Variants in SFRP4 observed in about 807,000 individuals in gnomAD.
SFRP4 encodes secreted frizzled-related protein 4.
Under a neutral mutation model 36.3 loss-of-function variants are expected in SFRP4, and 25 were observed. That is an observed-to-expected ratio of 0.69 (90% CI 0.50 to 0.96). The LOEUF is 0.96. Among genes scored for constraint, SFRP4 ranks in the 40% least tolerant of loss-of-function variants. The pLI, the probability that SFRP4 is intolerant of heterozygous loss-of-function variation, is 0.00. For synonymous variants in SFRP4, 182 were observed against 168.8 expected, an observed-to-expected ratio of 1.08 and a Z score of -0.60; for missense variants, 487 against 459.6, an observed-to-expected ratio of 1.06 and a Z score of -0.54.
rs768168729 is a variant in SFRP4 at position 37,916,118 on chromosome 7, T to G, written c.420A>C (p.Glu140Asp). 1.2e-6 allele frequency: 2 copies of G among 1,613,638 alleles called. No individual in the cohort carries two copies. The highest frequency in any genetic ancestry group is 2.7e-5 in the African/African-American group (2 of 74,894). ...CCTCCGGGAGGTCCGTGACGATGGC[T>G]TCAGGCGAGATGCACACGCCACGGT... Reference protein sequence around the residue: ...VYDRGVCISPEAIVTDLPEDV... With the variant: ...VYDRGVCISPDAIVTDLPEDV... The change falls in exon 1 of 6, where the codon GAA becomes GAC. Residue 140 changes from glutamate to aspartate, a missense_variant. Transcript: ENST00000436072. This position sits in a 1 kb window ranked among gnomAD's most constrained non-coding sequence, Gnocchi z 4.1.
chr7:37,913,988 C>A (rs889042637), intron 3 of SFRP4, among the ~76,000 whole-genome samples: 1 of 152,146 alleles, frequency 6.6e-6, no homozygotes, highest in Non-Finnish European at 1.5e-5. Context: ...ATTTTTATCA[C>A]CTGGGTCATT....
intron 3 of SFRP4, 116 bp downstream of exon 3, chr7:37,914,097 G>T: frequency 1.3e-6 from 1 of 767,944 alleles, no homozygotes; most frequent in Non-Finnish European, 2.2e-6. Context: ...TGGAAAAATA[G>T]TCAACCTTTT....
intron 3 of SFRP4, 44 bp downstream of exon 3, chr7:37,914,169 A>G: frequency 6.8e-7 from 1 of 1,461,676 alleles, no homozygotes; most frequent in East Asian, 2.3e-5. Flanking sequence ...CAGCTTTGTA[A>G]TGAACCAAGT....
At chr7:37,914,174 C>G in intron 3 of SFRP4, 39 bp downstream of exon 3, 1 of 1,497,290 alleles carries the variant, frequency 6.7e-7, no homozygotes, top group East Asian at 2.3e-5. Flanking sequence ...TTGTAATGAA[C>G]CAAGTCTCAA....
intron 5 of SFRP4, 99 bp downstream of exon 5, chr7:37,909,518 A>G (rs1785447818): frequency 1.5e-6 from 1 of 655,908 alleles, no homozygotes. Flanking sequence ...GGCTCTTATG[A>G]GAGCTTGGAG....
chr7:37,912,968 G>A (rs1331960848), intron 3 of SFRP4, among the ~76,000 whole-genome samples: 1 of 152,170 alleles, frequency 6.6e-6, no homozygotes, highest in East Asian at 1.9e-4. Flanking sequence ...ATATGGCTCT[G>A]TCTTGGATTC....
chr7:37,915,475 CT>C (rs1316785038), intron 1 of SFRP4, among the ~76,000 whole-genome samples: 1 of 152,146 alleles, frequency 6.6e-6, no homozygotes, highest in African/African-American at 2.4e-5. Flanking sequence ...ACCTCTCCTT[CT>C]TTTTAGAAAA....
intron 5 of SFRP4, 139 bp downstream of exon 5, chr7:37,909,478 A>G: frequency 2.0e-6 from 1 of 493,112 alleles, no homozygotes; most frequent in Admixed American, 3.5e-5. Context: ...TTAACGGCCT[A>G]TTCAAAAGAC....
In SFRP4 at chr7:37,916,361, C is replaced by A. The variant is rs753865207; in HGVS notation, c.177G>T (p.Glu59Asp). 4 of 1,614,106 alleles carry A rather than the reference C, an allele frequency of 2.5e-6. No homozygotes were observed. The African/African-American group carries it at 5.3e-5, about 22-fold the overall frequency. Residue 59 changes from glutamate to aspartate, a missense_variant, in exon 1 of 6, where the codon GAG becomes GAT. Coordinates refer to ENST00000436072, the MANE Select transcript of SFRP4 (RefSeq NM_003014.4). This position sits in a 1 kb window ranked among gnomAD's most constrained non-coding sequence, Gnocchi z 4.1. Reference protein sequence around the residue: ...STQENAILAIEQYEELVDVNC... With the variant: ...STQENAILAIDQYEELVDVNC... ...TCACGTCCACCAGCTCCTCGTACTGCTCGATGGCCAGGATGGCGTTCTCCT... is the reference window on the plus strand; with the variant it reads ...TCACGTCCACCAGCTCCTCGTACTGATCGATGGCCAGGATGGCGTTCTCCT...
In SFRP4 at chr7:37,913,517, C is replaced by A. The variant is rs538227832; in HGVS notation, c.592+696G>T. Among the ~76,000 whole-genome samples, 303 of 152,226 alleles carry A rather than the reference C, an allele frequency of 2.0e-3. 2 individuals are homozygous for A. The highest frequency in any genetic ancestry group is 7.0e-3 in the African/African-American group (289 of 41,546). ...TTTAAAATGTCTGCCTTTTACATTT[C>A]TTTTTGAATTGAAAAAGAACATATG... On this transcript the variant is annotated intron_variant, in intron 3 of 5. Coordinates refer to ENST00000436072, the MANE Select transcript of SFRP4 (RefSeq NM_003014.4).
chr7:37,913,365 A>G (rs2722319), intron 3 of SFRP4, among the ~76,000 whole-genome samples: 8 of 152,008 alleles, frequency 5.3e-5, no homozygotes, highest in South Asian at 4.1e-4. Context: ...TAAAATTTCA[A>G]TCTGCAAGAT....
intron 4 of SFRP4, among the ~76,000 whole-genome samples, chr7:37,911,376 T>G (rs1785482772): frequency 6.6e-6 from 1 of 152,226 alleles, no homozygotes; most frequent in Non-Finnish European, 1.5e-5. Flanking sequence ...TGCCTTGTTA[T>G]GTAAAACTGA....
At position 37,916,131 on chromosome 7, in the gene SFRP4, C is replaced by A; in HGVS notation, c.407G>T (p.Cys136Phe). The A allele has an allele frequency of 6.2e-7, 1 of 1,613,930 alleles. No homozygotes were observed. The highest frequency in any genetic ancestry group is 8.5e-7 in the Non-Finnish European group (1 of 1,179,974). The change falls in exon 1 of 6, where the codon TGC (cysteine) becomes TTC (phenylalanine). Residue 136 changes from cysteine to phenylalanine, a missense_variant. By Grantham distance (205) the Cys-to-Phe change is radical. Coordinates refer to ENST00000436072, the MANE Select transcript of SFRP4 (RefSeq NM_003014.4). The surrounding 1 kb of genome is among the most constrained non-coding windows in gnomAD (Gnocchi z 4.1). The stretch of plus-strand genomic sequence containing the variant: ...CGTGACGATGGCTTCAGGCGAGATG[C>A]ACACGCCACGGTCATAGACAGGCAG... ...DELPVYDRGV[C>F]ISPEAIVTDL...
At chr7:37,913,605 T>G (rs1248183819) in intron 3 of SFRP4, among the ~76,000 whole-genome samples, 1 of 152,224 alleles carries the variant, frequency 6.6e-6, no homozygotes, top group African/African-American at 2.4e-5. Context: ...ATTTCAAATT[T>G]CATGACTGAC....
At chr7:37,909,313 C>T (rs139206755) in intron 5 of SFRP4, among the ~76,000 whole-genome samples, 76 of 152,224 alleles carry the variant, frequency 5.0e-4, no homozygotes, top group African/African-American at 1.8e-3. Flanking sequence ...GCTCAAGTAT[C>T]TCATGGTTCA....
At chr7:37,914,503 C>T (rs1245321464) in intron 1 of SFRP4, 50 bp from the exon 2 acceptor site, 3 of 1,328,272 alleles carry the variant, frequency 2.3e-6, no homozygotes, top group Non-Finnish European at 3.3e-6. Context: ...TTGGTCTGTT[C>T]ACCCAGCTGG....
chr7:37,907,864 T>C (rs1334879605), intron 5 of SFRP4, among the ~76,000 whole-genome samples, 200 bp from the exon 6 acceptor site: 1 of 152,158 alleles, frequency 6.6e-6, no homozygotes, highest in Non-Finnish European at 1.5e-5. Flanking sequence ...CCACATGCAT[T>C]CATTTCATTG....
intron 1 of SFRP4, among the ~76,000 whole-genome samples, chr7:37,915,213 T>C (rs1785554501): frequency 6.6e-6 from 1 of 152,218 alleles, no homozygotes; most frequent in Non-Finnish European, 1.5e-5. Flanking sequence ...CATAACCCTC[T>C]ATTATTTATA....
chr7:37,914,135 G>T, intron 3 of SFRP4, 78 bp downstream of exon 3: 1 of 1,125,072 alleles, frequency 8.9e-7, no homozygotes, highest in Non-Finnish European at 1.3e-6. Context: ...ACTAGCTTTA[G>T]TGAGAGCGAC....
Sources: gnomAD v4.1 joint callset for allele counts (sites outside exome capture counted in the v4.1 genomes callset) on GRCh38, gnomAD v4.1.1 for gene constraint, Gnocchi (gnomAD v3.1) non-coding constraint, MANE v1.5 for transcripts, NCBI Gene and HGNC (gene_info 2026-07-23, HGNC 2026-07-21) for gene names.